Variants in PHYHIPL observed in about 807,000 individuals in gnomAD.
The protein encoded by PHYHIPL is phytanoyl-CoA hydroxylase-interacting protein-like.
In PHYHIPL, 9 loss-of-function variants were observed where a neutral mutation model predicts 33.4. That is an observed-to-expected ratio of 0.27 (90% CI 0.16 to 0.47). The LOEUF is 0.47. PHYHIPL is among the 20% of genes least tolerant of loss of function. PHYHIPL has a pLI of 0.99. For synonymous variants in PHYHIPL, 153 were observed against 154.1 expected (o/e 0.99, Z 0.05); for missense variants, 365 against 460.7 (o/e 0.79, Z 1.90).
rs765387999 is a variant in PHYHIPL, at chr10:59,245,190, G to T, written c.730G>T (p.Asp244Tyr). 6.2e-7 allele frequency: 1 copy of T among 1,614,116 alleles called. No homozygotes were observed. The highest frequency in any genetic ancestry group is 8.5e-7 in the Non-Finnish European group (1 of 1,180,012). ...TEFNTGKPPQDSPYGRYRFEI... is the reference protein window; with the variant it reads ...TEFNTGKPPQYSPYGRYRFEI... Reference sequence around the variant, plus strand: ...ATTCAATACTGGAAAGCCACCCCAGGATTCACCTTATGGAAGATACAGGTT... The same window carrying T: ...ATTCAATACTGGAAAGCCACCCCAGTATTCACCTTATGGAAGATACAGGTT... The change falls in exon 5 of 5, where the codon GAT becomes TAT. Residue 244 changes from aspartate (D) to tyrosine (Y), a missense_variant. By Grantham distance (160) the Asp-to-Tyr change is radical (BLOSUM62 -3). Around this residue, in one of 4 missense-constraint regions of PHYHIPL, gnomAD observed 196 missense variants for 224.9 expected, o/e 0.87. Transcript: ENST00000373880.
At chr10:59,206,956 G>A (rs1233636592) in intron 1 of PHYHIPL, 1 of 292,154 alleles carries the variant, frequency 3.4e-6, no homozygotes, top group African/African-American at 2.3e-5. Flanking sequence ...GAAAAGATGG[G>A]CTTCTTTAGC....
At chr10:59,196,258 A>T (rs1838911401) in intron 1 of PHYHIPL, among the ~76,000 whole-genome samples, 1 of 151,874 alleles carries the variant, frequency 6.6e-6, no homozygotes, top group South Asian at 2.1e-4. Context: ...AAATGTTTTT[A>T]TTCTGAAGTA....
intron 1 of PHYHIPL, among the ~76,000 whole-genome samples, chr10:59,212,757 T>C (rs1321509530): frequency 2.6e-5 from 4 of 152,128 alleles, no homozygotes; most frequent in Non-Finnish European, 5.9e-5. Context: ...TTGTCTAAAG[T>C]TTTTCATTTA....
At chr10:59,221,436 A>G (rs1411687014) in intron 1 of PHYHIPL, among the ~76,000 whole-genome samples, 2 of 152,074 alleles carry the variant, frequency 1.3e-5, no homozygotes, top group South Asian at 2.1e-4. Flanking sequence ...ATTTAACTGC[A>G]TAATAGGTAC....
rs1351290257 is a variant in PHYHIPL at position 59,238,637 on chromosome 10, T to C, written c.528T>C (p.Ile176=). The change falls in exon 4 of 5, where the codon ATT becomes ATC. Residue 176 remains isoleucine (I), a synonymous_variant. Coordinates refer to ENST00000373880, the MANE Select transcript of PHYHIPL (RefSeq NM_032439.4). The part of the protein sequence containing the change: ...LTQLLEKAEV[I]AGRMLKFSVF... ...AATTGTTGGAGAAGGCTGAAGTGAT[T>C]GCAGGACGCATGCTTAAGTTTTCTG... 2 of 1,611,370 alleles carry C rather than the reference T, an allele frequency of 1.2e-6. No individual in the cohort carries two copies. The highest frequency in any genetic ancestry group is 2.2e-5 in the East Asian group (1 of 44,774).
chr10:59,197,180 G>T (rs1412315044), intron 1 of PHYHIPL, among the ~76,000 whole-genome samples: 2 of 152,086 alleles, frequency 1.3e-5, no homozygotes, highest in Non-Finnish European at 2.9e-5. Context: ...AAAATATTAA[G>T]ATAAAAATCC....
intron 3 of PHYHIPL, among the ~76,000 whole-genome samples, 188 bp from the exon 4 acceptor site, chr10:59,238,399 AC>A (rs1470171472): frequency 6.6e-6 from 1 of 152,024 alleles, no homozygotes; most frequent in Non-Finnish European, 1.5e-5. Flanking sequence ...ATAAACCATA[AC>A]AAAAATATTT....
chr10:59,199,665 A>G (rs1304477152), intron 1 of PHYHIPL, among the ~76,000 whole-genome samples: 1 of 152,090 alleles, frequency 6.6e-6, no homozygotes, highest in Admixed American at 6.6e-5. Flanking sequence ...CATTTTCACG[A>G]TATTGATTCT....
At chr10:59,204,964 A>G (rs1295694980) in intron 1 of PHYHIPL, among the ~76,000 whole-genome samples, 1 of 150,574 alleles carries the variant, frequency 6.6e-6, no homozygotes, top group African/African-American at 2.4e-5. Flanking sequence ...TCCTGGATTC[A>G]AGCGATTCTC....
intron 2 of PHYHIPL, 56 bp downstream of exon 2, chr10:59,234,556 G>A (rs1840168727): frequency 2.4e-6 from 3 of 1,270,584 alleles, no homozygotes; most frequent in African/African-American, 3.1e-5. Context: ...CTAAGTATGA[G>A]GACATTTTAA....
chr10:59,241,840 G>A (rs1375824301), intron 4 of PHYHIPL, among the ~76,000 whole-genome samples: 1 of 151,952 alleles, frequency 6.6e-6, no homozygotes, highest in Non-Finnish European at 1.5e-5. Context: ...ATGTTAATGG[G>A]ATACAAAGAT....
intron 1 of PHYHIPL, among the ~76,000 whole-genome samples, chr10:59,185,717 A>G (rs1468274894): frequency 6.6e-6 from 1 of 152,122 alleles, no homozygotes; most frequent in East Asian, 1.9e-4. Flanking sequence ...GATGGCCAGT[A>G]ATGATGAGCA....
At chr10:59,208,087 C>T (rs1202805549) in intron 1 of PHYHIPL, among the ~76,000 whole-genome samples, 1 of 152,154 alleles carries the variant, frequency 6.6e-6, no homozygotes, top group Non-Finnish European at 1.5e-5. Flanking sequence ...GGACAGACTG[C>T]CTCCTCAAGT....
chr10:59,185,957 C>T (rs1177947132), intron 1 of PHYHIPL, among the ~76,000 whole-genome samples: 1 of 152,152 alleles, frequency 6.6e-6, no homozygotes, highest in African/African-American at 2.4e-5. Flanking sequence ...TGTGCAGAAG[C>T]TCTTTAGTTT....
At chr10:59,196,415 A>ATT (rs59368905) in intron 1 of PHYHIPL, among the ~76,000 whole-genome samples, 5 of 136,558 alleles carry the variant, frequency 3.7e-5, no homozygotes, top group Admixed American at 7.5e-5. Context: ...CACTGTCAAC[A>ATT]TTTTTTTTTT....
At chr10:59,208,831 T>C (rs1332475303) in intron 1 of PHYHIPL, among the ~76,000 whole-genome samples, 3 of 151,652 alleles carry the variant, frequency 2.0e-5, no homozygotes, top group Non-Finnish European at 4.4e-5. Context: ...ATATCAGAGA[T>C]TGAAGATCAA....
rs189462617 is a variant in PHYHIPL, at chr10:59,235,713, G to T, written c.304-770G>T. On this transcript the variant is annotated intron_variant, in intron 2 of 4. Coordinates refer to ENST00000373880, the MANE Select transcript of PHYHIPL (RefSeq NM_032439.4). ...AAACATTAAATGATGAATTGTTTGA[G>T]ATTTGACCCTTTTTCTTCACTCTCC... Among the ~76,000 whole-genome samples the T allele has an allele frequency of 2.8e-3, 428 of 151,964 alleles. 2 individuals carry two copies. In the South Asian group the frequency reaches 0.029, roughly 10 times the overall value.
chr10:59,194,354 A>G (rs1256509181), intron 1 of PHYHIPL, among the ~76,000 whole-genome samples: 1 of 151,964 alleles, frequency 6.6e-6, no homozygotes, highest in Non-Finnish European at 1.5e-5. Context: ...ATGTTTTCCA[A>G]TTTCTTTTCC....
At chr10:59,221,628 C>T (rs1839779182) in intron 1 of PHYHIPL, 1 of 964,562 alleles carries the variant, frequency 1.0e-6, no homozygotes, top group South Asian at 4.8e-5. Context: ...TGCTGCTTCT[C>T]ATGTCAGTGG....
Sources: allele counts gnomAD v4.1 joint callset (sites outside exome capture counted in the v4.1 genomes callset), GRCh38; gene constraint gnomAD v4.1.1; regional missense constraint gnomAD v4.1.1; transcripts MANE v1.5; gene names NCBI Gene and HGNC (gene_info 2026-07-23, HGNC 2026-07-21).